The following TMEM236 variants were observed in gnomAD, a reference collection of about 807,000 sequenced individuals.
TMEM236 encodes transmembrane protein 236, also known as family with sequence similarity 23, member A.
Under a neutral mutation model 14.7 loss-of-function variants are expected in TMEM236, and 11 were observed. That is an observed-to-expected ratio of 0.75 (90% CI 0.47 to 1.24). TMEM236 has a LOEUF of 1.24. TMEM236 is among the 50% of genes most tolerant of loss of function. The pLI is 0.00. For missense variants in TMEM236, 464 were observed against 427.3 expected, an observed-to-expected ratio of 1.09 and a Z score of -0.76; for synonymous variants, 182 against 168.6, an observed-to-expected ratio of 1.08 and a Z score of -0.62.
At chr10:17,762,672 T>C (rs1051658447) in intron 1 of TMEM236, among the ~76,000 whole-genome samples, 6 of 146,658 alleles carry the variant, frequency 4.1e-5, no homozygotes, top group Non-Finnish European at 9.0e-5. Context: ...AATATATATA[T>C]TTAGGTTTTT....
intron 1 of TMEM236, among the ~76,000 whole-genome samples, chr10:17,767,303 A>G (rs906490261): frequency 0.01 from 1,560 of 152,216 alleles, 24 homozygotes; most frequent in African/African-American, 0.036. Flanking sequence ...TCTACTAAAA[A>G]TACAAAAATT....
intron 1 of TMEM236, among the ~76,000 whole-genome samples, chr10:17,766,106 A>G (rs1464128859): frequency 6.6e-6 from 1 of 152,206 alleles, no homozygotes; most frequent in Non-Finnish European, 1.5e-5. Flanking sequence ...TAGCCTGAGA[A>G]TTTGTCAAAT....
chr10:17,778,913 G>A (rs2131755243), intron 3 of TMEM236, among the ~76,000 whole-genome samples: 1 of 152,286 alleles, frequency 6.6e-6, no homozygotes, highest in East Asian at 1.9e-4. Flanking sequence ...CGTATTACCA[G>A]TGGAAATCTC....
In TMEM236 at chr10:17,798,279, G is replaced by A. The variant is rs898635822; in HGVS notation, c.*1775G>A. On this transcript the variant is annotated 3_prime_UTR_variant, in exon 4 of 4. Transcript: ENST00000377495. ...TATGGCCGGCTGTGGTGGCTCACAC[G>A]TGTAATCCCAGCACTTTGGGAGGTT... The A allele has an allele frequency of 2.0e-4, 55 of 274,762 alleles. 1 individual carries two copies. The highest frequency in any genetic ancestry group is 9.1e-4 in the African/African-American group (41 of 44,894). 17.0% of individuals were successfully genotyped at this position (274,762 alleles called of 1,614,324 possible).
chr10:17,764,552 T>C (rs1488779660), intron 1 of TMEM236, among the ~76,000 whole-genome samples: 1 of 152,190 alleles, frequency 6.6e-6, no homozygotes, highest in Non-Finnish European at 1.5e-5. Context: ...TATCACAAAC[T>C]TGGTGGCTTA....
chr10:17,767,875 G>A (rs1554834452), intron 1 of TMEM236, among the ~76,000 whole-genome samples: 1 of 150,880 alleles, frequency 6.6e-6, no homozygotes, highest in African/African-American at 2.4e-5. Flanking sequence ...GAAATTATGA[G>A]TGATTACAAT....
At chr10:17,761,686 T>C (rs1264741317) in intron 1 of TMEM236, among the ~76,000 whole-genome samples, 2 of 114,444 alleles carry the variant, frequency 1.7e-5, no homozygotes, top group African/African-American at 7.0e-5. Context: ...AGAGTGAGAC[T>C]ATGTCTCAAA....
At chr10:17,783,683 C>T (rs890440783) in intron 3 of TMEM236, among the ~76,000 whole-genome samples, 42 of 152,292 alleles carry the variant, frequency 2.8e-4, no homozygotes, top group African/African-American at 9.6e-4. Context: ...AAATTGCTCC[C>T]TCTAAAGAAC....
chr10:17,787,874 G>A (rs1411249111), intron 3 of TMEM236, among the ~76,000 whole-genome samples: 1 of 152,090 alleles, frequency 6.6e-6, no homozygotes, highest in Admixed American at 6.5e-5. Context: ...TGCTGGGATT[G>A]CTAGCTCATG....
intron 3 of TMEM236, among the ~76,000 whole-genome samples, chr10:17,789,539 G>C (rs1837889013): frequency 6.6e-6 from 1 of 152,010 alleles, no homozygotes; most frequent in Non-Finnish European, 1.5e-5. Context: ...ATCATTTATT[G>C]CTTGGCAATA....
In TMEM236 at chr10:17,798,192, T is replaced by A. The variant is rs1370072889; in HGVS notation, c.*1688T>A. On this transcript the variant is annotated 3_prime_UTR_variant, in exon 4 of 4. Coordinates refer to ENST00000377495, the MANE Select transcript of TMEM236 (RefSeq NM_001098844.3). ...TATGTAGCCAGTTTCTTCAATGATC[T>A]GTGATAACAAATCATTAAGAATGAG... The A allele has an allele frequency of 5.3e-5, 11 of 206,012 alleles. No individual in the cohort carries two copies. Among genetic ancestry groups the A allele is most frequent in the African/African-American group, 2.6e-4 (11 of 42,506 alleles). 12.8% of individuals were successfully genotyped at this position (206,012 alleles called of 1,614,324 possible). A position where few individuals can be genotyped will look rare whatever the true frequency, so the allele number is the denominator to read the frequency against.
At chr10:17,753,339 TCA>T (rs1837236366) in intron 1 of TMEM236, among the ~76,000 whole-genome samples, 1 of 152,224 alleles carries the variant, frequency 6.6e-6, no homozygotes, top group Non-Finnish European at 1.5e-5. Flanking sequence ...ACAGATTATT[TCA>T]TCACCCAGGT....
chr10:17,794,316 G>A (rs1206937880), intron 3 of TMEM236, among the ~76,000 whole-genome samples: 1 of 151,954 alleles, frequency 6.6e-6, no homozygotes, highest in African/African-American at 2.4e-5. Flanking sequence ...GTTTTATCAC[G>A]TCATATGGCA....
At position 17,756,300 on chromosome 10, in the gene TMEM236, A is replaced by ATT. The variant is rs1388119547; in HGVS notation, c.257+3755_257+3756dup. 6.4e-3 allele frequency among the ~76,000 whole-genome samples: 966 copies of ATT among 150,450 alleles called. 14 individuals are homozygous for ATT. The highest frequency in any genetic ancestry group is 0.022 in the African/African-American group (909 of 40,644). On this transcript the variant is annotated intron_variant, in intron 1 of 3. Transcript: ENST00000377495. Reference sequence around the variant, plus strand: ...AAATATCTACTTCACCTCATAAAGTATTTTTTTTCTTTTTGAGATGGAGTC... The same window carrying ATT: ...AAATATCTACTTCACCTCATAAAGTATTTTTTTTTTCTTTTTGAGATGGAGTC...
chr10:17,780,075 T>C (rs1304574700), intron 3 of TMEM236, among the ~76,000 whole-genome samples: 1 of 152,282 alleles, frequency 6.6e-6, no homozygotes, highest in Non-Finnish European at 1.5e-5. Context: ...CCTTAGAGTG[T>C]ATATGTACCA....
intron 3 of TMEM236, among the ~76,000 whole-genome samples, chr10:17,780,057 C>T (rs925300119): frequency 6.6e-6 from 1 of 152,152 alleles, no homozygotes; most frequent in East Asian, 1.9e-4. Context: ...AAACAACAGC[C>T]TTTTAGCCCT....
In TMEM236 at chr10:17,752,400, C is replaced by A; in HGVS notation, c.105C>A (p.Tyr35Ter). Reference protein sequence around the residue: ...LVITEQFATAYQGTRARSDNT... With the variant: ...LVITEQFATA The stretch of plus-strand genomic sequence containing the variant: ...TCACAGAACAGTTTGCCACCGCCTA[C>A]CAAGGAACAAGGGCTAGATCTGACA... Residue 35 changes from tyrosine (Y) to a stop codon, truncating the protein, a stop_gained, in exon 1 of 4, where the codon TAC becomes TAA. Coordinates refer to ENST00000377495, the MANE Select transcript of TMEM236 (RefSeq NM_001098844.3). LOFTEE classifies it high-confidence loss of function. The A allele has an allele frequency of 2.5e-6, 4 of 1,613,924 alleles. No homozygotes were observed. The highest frequency in any genetic ancestry group is 3.4e-6 in the Non-Finnish European group (4 of 1,179,868).
In TMEM236 at chr10:17,787,489, CT is replaced by C. The variant is rs1459629536; in HGVS notation, c.473-8431del. On this transcript the variant is annotated intron_variant, in intron 3 of 3. Transcript: ENST00000377495. The stretch of plus-strand genomic sequence containing the variant: ...GAGCTCCACATTTTTTACCCATTGA[CT>C]CTACGGGAACCAGAGTCAATGGCTG... Among the ~76,000 whole-genome samples, 473 of 152,358 alleles carry C rather than the reference CT, an allele frequency of 3.1e-3. 1 individual carries two copies. Among genetic ancestry groups the C allele is most frequent in the African/African-American group, 0.011 (454 of 41,592 alleles).
intron 3 of TMEM236, 146 bp downstream of exon 3, chr10:17,776,316 A>G (rs1837658386): frequency 6.0e-5 from 50 of 839,966 alleles, no homozygotes; most frequent in Non-Finnish European, 1.9e-6. Context: ...AGATATCTAA[A>G]CATAATTATT....
Sources: gnomAD v4.1 joint callset for allele counts (sites outside exome capture counted in the v4.1 genomes callset) on GRCh38, gnomAD v4.1.1 for gene constraint, MANE v1.5 for transcripts, NCBI Gene and HGNC (gene_info 2026-07-23, HGNC 2026-07-21) for gene names.